The following MAGI2 variants were observed in gnomAD, a reference collection of about 807,000 sequenced individuals.
MAGI2 encodes membrane associated guanylate kinase, WW and PDZ domain containing 2.
In MAGI2, 35 loss-of-function variants were observed where a neutral mutation model predicts 133.3. The ratio of observed to expected loss-of-function variants is 0.26; its 90% CI spans 0.20 to 0.35. The LOEUF (loss-of-function observed/expected upper bound fraction) is 0.35. MAGI2 is among the 10% of genes least tolerant of loss of function. MAGI2 has a pLI of 1.00. For synonymous variants in MAGI2, 729 were observed against 710.6 expected (o/e 1.03, Z -0.41); for missense variants, 1,636 against 1,863.4 (o/e 0.88, Z 2.25).
At chr7:78,773,410 C>G (rs978991880) in intron 2 of MAGI2, among the ~76,000 whole-genome samples, 1 of 152,056 alleles carries the variant, frequency 6.6e-6, no homozygotes, top group Non-Finnish European at 1.5e-5. Context: ...TTCCATTACT[C>G]AAGGAACAAA....
chr7:78,220,629 C>T (rs115124735), intron 10 of MAGI2, among the ~76,000 whole-genome samples: 2,580 of 150,994 alleles, frequency 0.017, 66 homozygotes, highest in African/African-American at 0.058. Flanking sequence ...TTCCCTTTAA[C>T]GGAAGATAAA....
At chr7:78,567,185 C>G (rs1447479289) in intron 3 of MAGI2, among the ~76,000 whole-genome samples, 1 of 152,140 alleles carries the variant, frequency 6.6e-6, no homozygotes, top group Non-Finnish European at 1.5e-5. Context: ...CCTTGACATT[C>G]AAGTTTTTAA....
intron 6 of MAGI2, among the ~76,000 whole-genome samples, chr7:78,441,379 T>C (rs529017652): frequency 6.6e-6 from 1 of 152,334 alleles, no homozygotes; most frequent in African/African-American, 2.4e-5. Flanking sequence ...AGAAAAGGGT[T>C]ACATTATCAG....
intron 21 of MAGI2, among the ~76,000 whole-genome samples, chr7:78,029,315 T>C (rs1224232662): frequency 6.6e-6 from 1 of 152,192 alleles, no homozygotes; most frequent in Non-Finnish European, 1.5e-5. Context: ...TTTGAATGAG[T>C]AAAATCTGCA....
intron 1 of MAGI2, among the ~76,000 whole-genome samples, chr7:79,450,972 T>C (rs1849199761): frequency 6.6e-6 from 1 of 152,232 alleles, no homozygotes; most frequent in Non-Finnish European, 1.5e-5. Flanking sequence ...TAGTCAGAAT[T>C]CCTTTTCTTA....
At chr7:78,185,002 G>C (rs1399194002) in intron 13 of MAGI2, among the ~76,000 whole-genome samples, 2 of 152,038 alleles carry the variant, frequency 1.3e-5, no homozygotes, top group African/African-American at 2.4e-5. Context: ...AGACCTTCTA[G>C]CTTCTTATTT....
At chr7:79,445,086 T>A (rs968345615) in intron 1 of MAGI2, among the ~76,000 whole-genome samples, 1 of 152,148 alleles carries the variant, frequency 6.6e-6, no homozygotes, top group Admixed American at 6.5e-5. Context: ...ATTTAATAAA[T>A]GGTGCTGGGA....
At chr7:78,260,784 T>C (rs1793442990) in intron 9 of MAGI2, among the ~76,000 whole-genome samples, 2 of 152,240 alleles carry the variant, frequency 1.3e-5, no homozygotes, top group South Asian at 4.1e-4. Flanking sequence ...TTGCCAATTA[T>C]GGAATTTCAA....
intron 6 of MAGI2, among the ~76,000 whole-genome samples, chr7:78,401,027 T>C (rs1429200139): frequency 2.0e-5 from 3 of 151,974 alleles, no homozygotes; most frequent in East Asian, 1.9e-4. Flanking sequence ...AATTCACATG[T>C]CAGCTTCTAT....
chr7:78,780,517 C>A (rs2151338768), intron 2 of MAGI2, among the ~76,000 whole-genome samples: 1 of 152,298 alleles, frequency 6.6e-6, no homozygotes, highest in South Asian at 2.1e-4. Flanking sequence ...AGGCAGATTA[C>A]TAGTATTTCT....
intron 2 of MAGI2, among the ~76,000 whole-genome samples, chr7:78,682,019 A>AT (rs35450449): frequency 0.12 from 18,802 of 151,740 alleles, 1,537 homozygotes; most frequent in East Asian, 0.46. Flanking sequence ...TAATCCTACA[A>AT]TTTTTTTTAT....
intron 1 of MAGI2, among the ~76,000 whole-genome samples, chr7:79,070,612 C>T (rs570573256): frequency 8.6e-5 from 13 of 152,038 alleles, no homozygotes; most frequent in African/African-American, 2.9e-4. Context: ...TTGCATCAGC[C>T]TTCTGAATAG....
chr7:78,201,156 ACTT>A lies in MAGI2; in HGVS notation c.2079+3_2079+5del. On this transcript the variant is annotated splice_donor_5th_base_variant and intron_variant, in intron 11 of 21. Transcript: ENST00000354212. The stretch of plus-strand genomic sequence containing the variant: ...TAAAGAAAGAAGCATAATAATTCCA[ACTT>A]ACAGGCTTTGGAGTTTTCCATGGAG... 1 of 1,481,880 alleles carries A rather than the reference ACTT, an allele frequency of 6.7e-7. No individual in the cohort carries two copies. 91.8% of individuals were successfully genotyped at this position (1,481,880 alleles called of 1,614,324 possible).
chr7:78,573,257 AATATAAATATATAT>A (rs1584692897), intron 3 of MAGI2, among the ~76,000 whole-genome samples: 3 of 21,966 alleles, frequency 1.4e-4, no homozygotes, highest in African/African-American at 5.2e-4. Context: ...AATATATATA[AATATAAATATATAT>A]AAATATATAT....
At chr7:78,605,786 G>T (rs1349094231) in intron 3 of MAGI2, among the ~76,000 whole-genome samples, 1 of 152,166 alleles carries the variant, frequency 6.6e-6, no homozygotes, top group Non-Finnish European at 1.5e-5. Context: ...TGCAAGGAAG[G>T]AGTTAGTGGT....
chr7:78,668,429 T>A (rs1158056528), intron 2 of MAGI2, among the ~76,000 whole-genome samples: 1,695 of 150,478 alleles, frequency 0.011, 31 homozygotes, highest in African/African-American at 0.04. Flanking sequence ...TGTCTTTTGT[T>A]GCCATTGCTT....
intron 21 of MAGI2, chr7:78,065,659 A>G (rs1225305727): frequency 1.5e-6 from 1 of 688,296 alleles, no homozygotes; most frequent in East Asian, 2.7e-5. Context: ...GGAAGGTACC[A>G]TTCCTAAAGG....
At chr7:78,355,090 C>T (rs998619276) in intron 7 of MAGI2, among the ~76,000 whole-genome samples, 4 of 152,144 alleles carry the variant, frequency 2.6e-5, no homozygotes, top group African/African-American at 9.7e-5. Context: ...CATACTATGT[C>T]TAAAATTATG....
intron 2 of MAGI2, among the ~76,000 whole-genome samples, chr7:78,711,485 G>C (rs1251184510): frequency 6.6e-6 from 1 of 152,010 alleles, no homozygotes; most frequent in African/African-American, 2.4e-5. Flanking sequence ...ATTTTGTCCT[G>C]TCTATATACT....
Sources: allele counts gnomAD v4.1 joint callset (sites outside exome capture counted in the v4.1 genomes callset), GRCh38; gene constraint gnomAD v4.1.1; transcripts MANE v1.5; gene names NCBI Gene and HGNC (gene_info 2026-07-23, HGNC 2026-07-21).